PACS2: variants seen among roughly 807,000 people sequenced by gnomAD.
PACS2 encodes the protein phosphofurin acidic cluster sorting protein 2, also known as PACS1-like protein.
PACS2 carries 36 observed loss-of-function variants against 113.0 expected under a neutral mutation model. That is an observed-to-expected ratio of 0.32 (90% CI 0.24 to 0.42). PACS2 has a LOEUF of 0.42. Among genes scored for constraint, PACS2 ranks in the 10% least tolerant of loss-of-function variants. The probability of loss-of-function intolerance (pLI) is 1.00; values close to 1 mark genes in which losing one functional copy is unlikely to be tolerated. For synonymous variants in PACS2, 589 were observed against 536.1 expected (o/e 1.10, Z -1.36); for missense variants, 1,015 against 1,239.5 (o/e 0.82, Z 2.72).
At chr14:105,373,933 C>T (rs1312466597) in intron 8 of PACS2, among the ~76,000 whole-genome samples, 2 of 152,052 alleles carry the variant, frequency 1.3e-5, no homozygotes, top group African/African-American at 2.4e-5. Context: ...ACCCGGATCA[C>T]TTGAGGTCAG....
In PACS2 at chr14:105,395,912, AG is replaced by A. The variant is rs2081516177; in HGVS notation, c.*1244del. On this transcript the variant is annotated 3_prime_UTR_variant, in exon 25 of 25. Coordinates refer to ENST00000447393, the MANE Select transcript of PACS2 (RefSeq NM_001100913.3). ...GAGCTGGGGAAGCTGGGGCCCTCCC[AG>A]GGGTCCTGATCGACCCTGGGGGCTC... 6.6e-6 allele frequency: 1 copy of A among 152,282 alleles called. No individual in the cohort carries two copies. The highest frequency in any genetic ancestry group is 1.5e-5 in the Non-Finnish European group (1 of 68,130). The allele number at this position is 152,282 out of a possible 1,614,324, so 9.4% of individuals were successfully genotyped here. A position where few individuals can be genotyped will look rare whatever the true frequency, so the allele number is the denominator to read the frequency against.
intron 20 of PACS2, 33 bp from the exon 21 acceptor site, chr14:105,391,174 G>A (rs371828886): frequency 2.0e-5 from 31 of 1,589,186 alleles, no homozygotes; most frequent in Non-Finnish European, 2.7e-5. Context: ...TGAATTGCAC[G>A]GCTTTCACCA....
chr14:105,316,186 G>A (rs946413848), intron 1 of PACS2, among the ~76,000 whole-genome samples: 1 of 152,212 alleles, frequency 6.6e-6, no homozygotes, highest in African/African-American at 2.4e-5. Flanking sequence ...ATGCCCACCC[G>A]GCACGACTCT....
chr14:105,349,155 G>A (rs2060056496), intron 2 of PACS2, among the ~76,000 whole-genome samples: 1 of 152,242 alleles, frequency 6.6e-6, no homozygotes, highest in African/African-American at 2.4e-5. Flanking sequence ...CATGACCCTT[G>A]CAGCATGGCC....
intron 1 of PACS2, among the ~76,000 whole-genome samples, chr14:105,342,252 G>A (rs2059757445): frequency 6.6e-6 from 1 of 151,870 alleles, no homozygotes; most frequent in Non-Finnish European, 1.5e-5. Flanking sequence ...GTGTGTGTGT[G>A]TGTGTGTGTG....
At chr14:105,342,779 T>C (rs1262101480) in intron 1 of PACS2, among the ~76,000 whole-genome samples, 3 of 151,170 alleles carry the variant, frequency 2.0e-5, no homozygotes, top group African/African-American at 4.9e-5. Context: ...AGTAAAAATA[T>C]AAAAAATTAG....
upstream of PACS2, among the ~76,000 whole-genome samples, chr14:105,310,126 A>C (rs180858177): frequency 2.0e-4 from 30 of 152,150 alleles, no homozygotes; most frequent in African/African-American, 6.3e-4. Context: ...TAGTAGTGAC[A>C]ACTGTCTCAC....
rs782537759 is a variant in PACS2 at position 105,348,655 on chromosome 14, G to C, written c.207+75G>C. ...CATGTGCCTGGGAGACGAGTCAGGC[G>C]GTGCGCTACTGTGGGGCCTTGTGCC... is the stretch of plus-strand genomic sequence containing the variant. On this transcript the variant is annotated intron_variant, in intron 2 of 24. Coordinates refer to ENST00000447393, the MANE Select transcript of PACS2 (RefSeq NM_001100913.3). This position sits in a 1 kb window ranked among gnomAD's most constrained non-coding sequence, Gnocchi z 6.4. 4.8e-4 allele frequency: 526 copies of C among 1,092,694 alleles called. 1 individual carries two copies. Among genetic ancestry groups the C allele is most frequent in the Middle Eastern group, 6.0e-4 (3 of 5,008 alleles). The allele number at this position is 1,092,694 out of a possible 1,614,324, so 67.7% of individuals were successfully genotyped here. A position where few individuals can be genotyped will look rare whatever the true frequency, so the allele number is the denominator to read the frequency against.
At chr14:105,385,784 A>G in intron 19 of PACS2, 67 bp downstream of exon 19, 1 of 1,002,044 alleles carries the variant, frequency 1.0e-6, no homozygotes, top group South Asian at 1.9e-5. Context: ...CTTGTTTGGC[A>G]GAGTCACGTA....
intron 7 of PACS2, 63 bp from the exon 8 acceptor site, chr14:105,369,778 G>A (rs1555408878): frequency 2.1e-6 from 3 of 1,426,250 alleles, no homozygotes; most frequent in African/African-American, 1.4e-5. Context: ...CCTGAGGAAG[G>A]GGCTCCAGCG....
At chr14:105,314,010 A>AAC (rs2058433933), upstream of PACS2, among the ~76,000 whole-genome samples, 1 of 152,262 alleles carries the variant, frequency 6.6e-6, no homozygotes, top group Non-Finnish European at 1.5e-5. Flanking sequence ...CAACGCTGAA[A>AAC]AGCGGCGCTG....
intron 1 of PACS2, among the ~76,000 whole-genome samples, chr14:105,332,013 G>A (rs1213978539): frequency 6.6e-6 from 1 of 152,198 alleles, no homozygotes; most frequent in African/African-American, 2.4e-5. Flanking sequence ...CTTGTTCCTT[G>A]TGGGACACAT....
intron 19 of PACS2, 126 bp from the exon 20 acceptor site, chr14:105,389,835 G>A (rs1055307751): frequency 2.6e-5 from 22 of 847,048 alleles, no homozygotes; most frequent in East Asian, 4.8e-5. Flanking sequence ...AGGGCTGTCC[G>A]GCAGGGCCAT....
chr14:105,303,208 C>T (rs139676544), intron 1 of PACS2, among the ~76,000 whole-genome samples: 208 of 152,210 alleles, frequency 1.4e-3, no homozygotes, highest in African/African-American at 4.6e-3. Context: ...AGATTCTACA[C>T]GTGAGCCAAT....
At chr14:105,351,698 A>G (rs2060186861) in intron 2 of PACS2, among the ~76,000 whole-genome samples, 1 of 152,080 alleles carries the variant, frequency 6.6e-6, no homozygotes, top group African/African-American at 2.4e-5. Context: ...ATTATTGTAT[A>G]TTTTTTTGTG....
chr14:105,341,868 C>T (rs1334915057), intron 1 of PACS2, among the ~76,000 whole-genome samples: 1 of 152,194 alleles, frequency 6.6e-6, no homozygotes, highest in Admixed American at 6.5e-5. Context: ...TGCTACGGGA[C>T]CGCAAGCTGC....
rs587763992 is a variant in PACS2 at position 105,355,507 on chromosome 14, G to C, written c.423+330G>C. 6.6e-6 allele frequency among the ~76,000 whole-genome samples: 1 copy of C among 152,364 alleles called. No homozygotes were observed. The highest frequency in any genetic ancestry group is 2.4e-5 in the African/African-American group (1 of 41,596). ...GAGTCCTTCCCATGGAGGAATCGCT[G>C]CTGTCCCCACACCACGGGTGCGTCC... is the stretch of plus-strand genomic sequence containing the variant. On this transcript the variant is annotated intron_variant, in intron 4 of 24. Transcript: ENST00000447393. The surrounding 1 kb of genome is among the most constrained non-coding windows in gnomAD (Gnocchi z 4.1).
chr14:105,301,629 A>G (rs587615592), intron 1 of PACS2, among the ~76,000 whole-genome samples: 57 of 152,336 alleles, frequency 3.7e-4, no homozygotes, highest in Admixed American at 1.6e-3. Flanking sequence ...CCCAGGTTCC[A>G]GAGCCTCCCC....
intron 20 of PACS2, 162 bp downstream of exon 20, chr14:105,390,165 T>C: frequency 1.4e-6 from 1 of 722,904 alleles, no homozygotes; most frequent in Non-Finnish European, 2.5e-6. Context: ...GCTCGCTTCC[T>C]TCCCTGCTGG....
Sources: gnomAD v4.1 joint callset for allele counts (sites outside exome capture counted in the v4.1 genomes callset) on GRCh38, gnomAD v4.1.1 for gene constraint, Gnocchi (gnomAD v3.1) non-coding constraint, MANE v1.5 for transcripts, NCBI Gene and HGNC (gene_info 2026-07-23, HGNC 2026-07-21) for gene names.